The following PRELID2 variants were observed in gnomAD, a reference collection of about 807,000 sequenced individuals.
PRELID2 encodes PRELI domain-containing protein 2.
Under a neutral mutation model 28.4 loss-of-function variants are expected in PRELID2, and 25 were observed. The observed-to-expected ratio is 0.88, with a 90% confidence interval of 0.64 to 1.23. PRELID2 has a LOEUF of 1.23. Ranked by LOEUF, PRELID2 falls within the 50% of genes most tolerant of loss-of-function variation. The pLI is 0.00. For synonymous variants in PRELID2, 76 were observed against 71.6 expected (o/e 1.06, Z -0.31); for missense variants, 201 against 214.4 (o/e 0.94, Z 0.39).
chr5:145,496,328 G>A (rs973186237), intron 1 of PRELID2, among the ~76,000 whole-genome samples: 1 of 152,120 alleles, frequency 6.6e-6, no homozygotes, highest in African/African-American at 2.4e-5. Flanking sequence ...AGAGCTCAGA[G>A]GCAAAGTCTG....
chr5:145,637,437 T>A (rs1465203373), intron 1 of PRELID2, among the ~76,000 whole-genome samples: 2 of 152,044 alleles, frequency 1.3e-5, no homozygotes. Context: ...CTGTGCTATG[T>A]CCATACATTT....
the PRELID2 span, among the ~76,000 whole-genome samples, chr5:145,298,446 T>G: frequency 3.3e-5 from 5 of 152,172 alleles, no homozygotes; most frequent in African/African-American, 9.6e-5. Context: ...GATCCCTTCC[T>G]TACACCTTAT....
the PRELID2 span, among the ~76,000 whole-genome samples, chr5:145,442,294 C>A: frequency 3.9e-5 from 6 of 152,058 alleles, no homozygotes; most frequent in Non-Finnish European, 7.4e-5. Context: ...TTATTTCTCT[C>A]ATACAAAGAT....
intron 1 of PRELID2, among the ~76,000 whole-genome samples, chr5:145,656,655 A>T (rs1197964671): frequency 6.6e-6 from 1 of 151,556 alleles, no homozygotes; most frequent in Non-Finnish European, 1.5e-5. Flanking sequence ...CGCAAGGACA[A>T]AAAACCAAAC....
chr5:145,822,857 G>A (rs1754924958), intron 2 of PRELID2, among the ~76,000 whole-genome samples: 1 of 152,120 alleles, frequency 6.6e-6, no homozygotes, highest in African/African-American at 2.4e-5. Context: ...AGCATCAGCA[G>A]GCCTTTTACT....
At chr5:145,745,035 A>G (rs778046954) in intron 1 of PRELID2, among the ~76,000 whole-genome samples, 1 of 152,050 alleles carries the variant, frequency 6.6e-6, no homozygotes, top group Non-Finnish European at 1.5e-5. Flanking sequence ...GATGGAGCTA[A>G]AAACACAGCA....
Position 145,790,594 on chromosome 5 carries a change from G to A in PRELID2, c.474+5848C>T, listed in dbSNP as rs111315833. 4.8e-3 allele frequency among the ~76,000 whole-genome samples: 725 copies of A among 151,538 alleles called. 6 individuals carry two copies. Among genetic ancestry groups the A allele is most frequent in the African/African-American group, 0.017 (699 of 41,370 alleles). ...TGACTATAGTTAATGAGAATATATT[G>A]TAAATTTCAAAATTGCTAAGAGTAA... is the stretch of plus-strand genomic sequence containing the variant. On this transcript the variant is annotated intron_variant, in intron 5 of 6. Coordinates refer to ENST00000683046, the MANE Select transcript of PRELID2 (RefSeq NM_205846.3).
intron 1 of PRELID2, among the ~76,000 whole-genome samples, chr5:145,713,671 G>GTA (rs1441387879): frequency 4.3e-4 from 40 of 92,366 alleles, no homozygotes; most frequent in Admixed American, 2.6e-3. Flanking sequence ...TATAGTGTGT[G>GTA]TATATATATA....
rs139634227 is a variant in PRELID2, at chr5:145,792,589, T to C, written c.474+3853A>G. Among the ~76,000 whole-genome samples, 77 of 152,312 alleles carry C rather than the reference T, an allele frequency of 5.1e-4. 1 individual carries two copies. In the Middle Eastern group the frequency reaches 0.037, roughly 74 times the overall value. ...AAGGCACAGTCTCTATCTTGTGAAT[T>C]ATGTCTTAATTCTTACTTGTGTCTC... On this transcript the variant is annotated intron_variant, in intron 5 of 6. Coordinates refer to ENST00000683046, the MANE Select transcript of PRELID2 (RefSeq NM_205846.3).
chr5:145,530,898 G>T (rs543502459), intron 1 of PRELID2, among the ~76,000 whole-genome samples: 1 of 152,174 alleles, frequency 6.6e-6, no homozygotes, highest in South Asian at 2.1e-4. Context: ...ATCTTGAGTG[G>T]AGAAAAAATG....
At chr5:145,515,296 A>T (rs1752505650) in intron 1 of PRELID2, among the ~76,000 whole-genome samples, 1 of 152,202 alleles carries the variant, frequency 6.6e-6, no homozygotes, top group South Asian at 2.1e-4. Flanking sequence ...AATAGACACA[A>T]TAAAAAATGA....
intron 1 of PRELID2, among the ~76,000 whole-genome samples, chr5:145,740,313 TA>T (rs1756630882): frequency 1.0e-5 from 1 of 95,838 alleles, no homozygotes; most frequent in Non-Finnish European, 2.0e-5. Context: ...TATATATATA[TA>T]TATATAAATC....
intron 4 of PRELID2, 60 bp downstream of exon 4, chr5:145,817,834 A>G: frequency 4.4e-6 from 6 of 1,355,114 alleles, no homozygotes; most frequent in South Asian, 1.7e-5. Flanking sequence ...TTTTTAATGT[A>G]TGTACTCATG....
At chr5:145,241,945 TA>T in the PRELID2 span, among the ~76,000 whole-genome samples, 49 of 147,418 alleles carry the variant, frequency 3.3e-4, no homozygotes, top group African/African-American at 9.9e-4. Flanking sequence ...TGCTATTGCA[TA>T]AAAAAAAAAG....
At chr5:145,406,206 T>C in the PRELID2 span, among the ~76,000 whole-genome samples, 1 of 152,166 alleles carries the variant, frequency 6.6e-6, no homozygotes, top group Non-Finnish European at 1.5e-5. Context: ...ACTATATCAA[T>C]TGGCATCATA....
At chr5:145,269,319 T>A in the PRELID2 span, among the ~76,000 whole-genome samples, 1 of 152,054 alleles carries the variant, frequency 6.6e-6, no homozygotes, top group South Asian at 2.1e-4. Context: ...ATTGAAACAA[T>A]AAATCTTCCA....
intron 1 of PRELID2, among the ~76,000 whole-genome samples, chr5:145,736,824 T>C (rs1188463366): frequency 1.3e-5 from 2 of 152,184 alleles, no homozygotes; most frequent in Non-Finnish European, 2.9e-5. Flanking sequence ...TGCTCAATCG[T>C]TGTGGACAAG....
At chr5:145,516,536 C>A (rs1752518472) in intron 1 of PRELID2, among the ~76,000 whole-genome samples, 1 of 152,032 alleles carries the variant, frequency 6.6e-6, no homozygotes, top group Admixed American at 6.5e-5. Context: ...CAGGAAGAAT[C>A]AATATCGTGA....
At chr5:145,769,984 C>T (rs890701574) in intron 5 of PRELID2, among the ~76,000 whole-genome samples, 2 of 152,198 alleles carry the variant, frequency 1.3e-5, no homozygotes, top group African/African-American at 2.4e-5. Context: ...GGTGGTCCCA[C>T]AGGACTGTAT....
Sources: allele counts gnomAD v4.1 joint callset (sites outside exome capture counted in the v4.1 genomes callset), GRCh38; gene constraint gnomAD v4.1.1; transcripts MANE v1.5; gene names NCBI Gene and HGNC (gene_info 2026-07-23, HGNC 2026-07-21).